Variants in TRPM6 observed in about 807,000 individuals in gnomAD.
TRPM6 encodes the protein transient receptor potential cation channel subfamily M member 6, also known as channel kinase 2.
A neutral mutation model predicts 247.6 loss-of-function variants in TRPM6; 111 were observed. The ratio of observed to expected loss-of-function variants is 0.45; its 90% CI spans 0.38 to 0.52. The LOEUF (loss-of-function observed/expected upper bound fraction) is 0.52. TRPM6 is among the 20% of genes least tolerant of loss of function. The pLI is 0.00. For synonymous variants in TRPM6, 892 were observed against 853.8 expected (o/e 1.04, Z -0.78); for missense variants, 2,126 against 2,421.5 (o/e 0.88, Z 2.56).
intron 3 of TRPM6, among the ~76,000 whole-genome samples, chr9:74,852,762 G>A (rs967231839): frequency 6.6e-6 from 1 of 152,196 alleles, no homozygotes; most frequent in Non-Finnish European, 1.5e-5. Flanking sequence ...CGAGGTGCCG[G>A]GATTGCAGAC....
At chr9:74,887,797 C>T (rs1445833734) in intron 1 of TRPM6, 27 bp downstream of exon 1, 1 of 1,614,116 alleles carries the variant, frequency 6.2e-7, no homozygotes, top group African/African-American at 1.3e-5. Flanking sequence ...GTCCTTGTTC[C>T]CCGCCAGTCG....
At chr9:74,851,915 C>T (rs1048263696) in intron 3 of TRPM6, among the ~76,000 whole-genome samples, 3 of 151,414 alleles carry the variant, frequency 2.0e-5, no homozygotes, top group Non-Finnish European at 4.4e-5. Flanking sequence ...CACTCAAGGC[C>T]AGGAGTTCTA....
At chr9:74,781,389 AGC>A (rs1827437570) in intron 23 of TRPM6, among the ~76,000 whole-genome samples, 1 of 151,944 alleles carries the variant, frequency 6.6e-6, no homozygotes, top group Non-Finnish European at 1.5e-5. Flanking sequence ...TACAAAAATT[AGC>A]CAGGCATGGT....
intron 33 of TRPM6, among the ~76,000 whole-genome samples, chr9:74,740,745 G>A (rs1237524279): frequency 6.6e-6 from 1 of 152,080 alleles, no homozygotes; most frequent in Non-Finnish European, 1.5e-5. Context: ...TTCAGCCTTT[G>A]GAGCATTTTG....
chr9:74,820,778 G>C (rs1220905540), intron 8 of TRPM6, among the ~76,000 whole-genome samples: 3 of 152,128 alleles, frequency 2.0e-5, no homozygotes, highest in Non-Finnish European at 2.9e-5. Flanking sequence ...AGAATGGGTT[G>C]ATCTGCCACA....
chr9:74,884,544 C>T (rs573725041), intron 1 of TRPM6, among the ~76,000 whole-genome samples: 3 of 151,574 alleles, frequency 2.0e-5, no homozygotes, highest in African/African-American at 7.3e-5. Flanking sequence ...TACATACATA[C>T]GTATATAAAA....
chr9:74,792,891 T>C (rs1827959744), intron 18 of TRPM6, 121 bp from the exon 19 acceptor site: 12 of 972,190 alleles, frequency 1.2e-5, no homozygotes, highest in Admixed American at 2.0e-5. Context: ...GGGCGGTGGC[T>C]CACACCTGTA....
At chr9:74,736,562 G>A (rs951960948) in intron 36 of TRPM6, among the ~76,000 whole-genome samples, 1 of 152,170 alleles carries the variant, frequency 6.6e-6, no homozygotes, top group Non-Finnish European at 1.5e-5. Flanking sequence ...AGTAGTAGTG[G>A]TGTAACTGTT....
At chr9:74,810,970 A>G in intron 12 of TRPM6, 102 bp from the exon 13 acceptor site, 1 of 891,280 alleles carries the variant, frequency 1.1e-6, no homozygotes, top group Non-Finnish European at 1.8e-6. Flanking sequence ...AATACTGAAA[A>G]TTGTGTTCAA....
Position 74,762,343 on chromosome 9 carries a change from G to A in TRPM6, c.4328C>T (p.Ala1443Val), listed in dbSNP as rs577324429. The change falls in exon 26 of 39, where the codon GCC becomes GTC. Residue 1443 changes from alanine to valine, a missense_variant. By Grantham distance (64) the Ala-to-Val change is moderately conservative. This residue lies in a region of TRPM6 where 717 missense variants were observed against 715.9 expected (regional missense o/e 1.00). Coordinates refer to ENST00000360774, the MANE Select transcript of TRPM6 (RefSeq NM_017662.5). ...PMTMSSPLSQ[A>V]KIMQTGGGYV... ...TCCACCTCCAGTTTGCATGATCTTG[G>A]CTTGGGAAAGAGGGGAGCTCATTGT... 1 of 1,614,226 alleles carries A rather than the reference G, an allele frequency of 6.2e-7. No individual in the cohort carries two copies. Among genetic ancestry groups the A allele is most frequent in the South Asian group, 1.1e-5 (1 of 91,082 alleles).
intron 1 of TRPM6, among the ~76,000 whole-genome samples, chr9:74,878,624 A>G (rs916158367): frequency 1.3e-5 from 2 of 152,212 alleles, no homozygotes; most frequent in Non-Finnish European, 2.9e-5. Flanking sequence ...TCTTCAGAAT[A>G]CAATCCCCCC....
At chr9:74,875,692 C>T (rs1831175922) in intron 1 of TRPM6, among the ~76,000 whole-genome samples, 2 of 152,128 alleles carry the variant, frequency 1.3e-5, no homozygotes, top group South Asian at 2.1e-4. Flanking sequence ...GGACTTTGGA[C>T]CCCATTCTCT....
chr9:74,762,397 G>A lies in TRPM6; in HGVS notation c.4274C>T (p.Pro1425Leu). 6.2e-7 allele frequency: 1 copy of A among 1,614,172 alleles called. No homozygotes were observed. The highest frequency in any genetic ancestry group is 1.1e-5 in the South Asian group (1 of 91,084). ...GGGTTCAGGTGTGCAACTCAAAGTG[G>A]GTAGCACTTGCTCTGCCTTGTCTTG... ...DGQDKAEQVL[P>L]TLSCTPEPMT... Residue 1425 changes from proline to leucine, a missense_variant, in exon 26 of 39, where the codon CCC becomes CTC. Transcript: ENST00000360774.
chr9:74,728,751 C>T (rs528195770), intron 37 of TRPM6, among the ~76,000 whole-genome samples: 35 of 152,300 alleles, frequency 2.3e-4, no homozygotes, highest in Admixed American at 5.2e-4. Flanking sequence ...TTTTGGGACA[C>T]GCCTTCTAAA....
intron 1 of TRPM6, among the ~76,000 whole-genome samples, chr9:74,862,625 G>A (rs901320992): frequency 7.9e-5 from 12 of 152,148 alleles, no homozygotes; most frequent in African/African-American, 2.9e-4. Flanking sequence ...ATTCATTTAT[G>A]TTTCATATAC....
At chr9:74,771,315 A>G (rs551421425) in intron 25 of TRPM6, among the ~76,000 whole-genome samples, 1 of 152,258 alleles carries the variant, frequency 6.6e-6, no homozygotes, top group South Asian at 2.1e-4. Context: ...ATTTTTCTTC[A>G]TAGCTCTTTT....
At chr9:74,839,727 T>A (rs1018664990) in intron 5 of TRPM6, among the ~76,000 whole-genome samples, 9 of 152,018 alleles carry the variant, frequency 5.9e-5, no homozygotes, top group Admixed American at 5.9e-4. Context: ...GGGTTTATTT[T>A]CTAGTCACTA....
chr9:74,779,731 T>A (rs1278084204), intron 23 of TRPM6, among the ~76,000 whole-genome samples: 1 of 151,952 alleles, frequency 6.6e-6, no homozygotes, highest in Non-Finnish European at 1.5e-5. Flanking sequence ...CGAGAAGAGG[T>A]GAGGAAGTGG....
intron 27 of TRPM6, among the ~76,000 whole-genome samples, chr9:74,758,143 T>A (rs2118824600): frequency 6.6e-6 from 1 of 152,338 alleles, no homozygotes; most frequent in South Asian, 2.1e-4. Flanking sequence ...AGAAATTGAA[T>A]TTGTAGTTAA....
Sources: gnomAD v4.1 joint callset for allele counts (sites outside exome capture counted in the v4.1 genomes callset) on GRCh38, gnomAD v4.1.1 for gene constraint, gnomAD v4.1.1 regional missense constraint, MANE v1.5 for transcripts, NCBI Gene and HGNC (gene_info 2026-07-23, HGNC 2026-07-21) for gene names.